LARP4: variants seen among roughly 807,000 people sequenced by gnomAD.
The protein encoded by LARP4 is La ribonucleoprotein 4.
LARP4 carries 29 observed loss-of-function variants against 92.9 expected under a neutral mutation model. That is an observed-to-expected ratio of 0.31 (90% confidence interval 0.23 to 0.43). The LOEUF (loss-of-function observed/expected upper bound fraction) is 0.43, where lower values mean the gene tolerates loss of function less well. Among genes scored for constraint, LARP4 ranks in the 20% least tolerant of loss-of-function variants. The pLI is 1.00. For missense variants in LARP4, 732 were observed against 860.0 expected, an observed-to-expected ratio of 0.85 and a Z score of 1.86; for synonymous variants, 279 against 284.1, an observed-to-expected ratio of 0.98 and a Z score of 0.18.
At chr12:50,473,334 C>T in intron 13 of LARP4, 81 bp from the exon 14 acceptor site, 1 of 1,027,024 alleles carries the variant, frequency 9.7e-7, no homozygotes, top group South Asian at 1.4e-5. Flanking sequence ...TGTTGACCAT[C>T]TTCTCTTGTG....
intron 13 of LARP4, among the ~76,000 whole-genome samples, chr12:50,472,500 A>AT (rs75116778): frequency 0.099 from 14,956 of 150,366 alleles, 1,519 homozygotes; most frequent in East Asian, 0.48. Flanking sequence ...GATTTCATTA[A>AT]TTTTTTTTTA....
At chr12:50,407,595 A>T (rs886295250) in intron 1 of LARP4, among the ~76,000 whole-genome samples, 10 of 152,198 alleles carry the variant, frequency 6.6e-5, no homozygotes, top group Non-Finnish European at 1.5e-4. Flanking sequence ...CTGTAATCCC[A>T]GAATTTTGGG....
intron 1 of LARP4, chr12:50,412,312 C>T (rs988745222): frequency 2.9e-5 from 8 of 278,228 alleles, no homozygotes; most frequent in African/African-American, 1.8e-4. Context: ...TAGTAGTAGC[C>T]CTCTCAGTAT....
chr12:50,403,460 A>G (rs1393454533), intron 1 of LARP4, among the ~76,000 whole-genome samples: 1 of 152,248 alleles, frequency 6.6e-6, no homozygotes, highest in East Asian at 1.9e-4. Context: ...TGTCAAAAAT[A>G]TTGTTAACGT....
At chr12:50,421,643 AAAATAAAT>A (rs144012967) in intron 1 of LARP4, among the ~76,000 whole-genome samples, 10,628 of 147,820 alleles carry the variant, frequency 0.072, 859 homozygotes, top group East Asian at 0.37. Flanking sequence ...ACTTCATCAC[AAAATAAAT>A]AAATAAATAA....
chr12:50,429,238 A>C, intron 3 of LARP4, 148 bp downstream of exon 3: 1 of 608,724 alleles, frequency 1.6e-6, no homozygotes, highest in Admixed American at 3.5e-5. Flanking sequence ...GTTGATTGTT[A>C]CATTGTTTTC....
In LARP4 at chr12:50,435,479, T is replaced by TG; in HGVS notation, c.399-9_399-8insG. ...TTGCTTGTTTTATAGGACTATTTTG[T>TG]TTTTTCAGAGAAAATTTGTCAAAGG... On this transcript the variant is annotated splice_polypyrimidine_tract_variant and intron_variant, in intron 4 of 15. Coordinates refer to ENST00000398473, the MANE Select transcript of LARP4 (RefSeq NM_052879.5). The TG allele has an allele frequency of 7.2e-7, 1 of 1,389,106 alleles. No individual in the cohort carries two copies. The highest frequency in any genetic ancestry group is 9.8e-7 in the Non-Finnish European group (1 of 1,018,662). The allele number at this position is 1,389,106 out of a possible 1,614,324, so 86.0% of individuals were successfully genotyped here. A position where few individuals can be genotyped will look rare whatever the true frequency, so the allele number is the denominator to read the frequency against.
At position 50,401,005 on chromosome 12, in the gene LARP4, G is replaced by A. The variant is rs1369697895; in HGVS notation, c.-6G>A. 6.2e-7 allele frequency: 1 copy of A among 1,614,050 alleles called. No homozygotes were observed. Among genetic ancestry groups the A allele is most frequent in the Admixed American group, 1.7e-5 (1 of 59,998 alleles). The stretch of plus-strand genomic sequence containing the variant: ...GCGGGAACGATTGGGCTGAGCAGAG[G>A]ACGACATGTTGCTTTTCGTGGAGGT... On this transcript the variant is annotated 5_prime_UTR_variant, in exon 1 of 16. Coordinates refer to ENST00000398473, the MANE Select transcript of LARP4 (RefSeq NM_052879.5).
At chr12:50,452,841 C>G (rs1953481312) in intron 8 of LARP4, among the ~76,000 whole-genome samples, 1 of 151,558 alleles carries the variant, frequency 6.6e-6, no homozygotes, top group Non-Finnish European at 1.5e-5. Flanking sequence ...ATTAGAGATA[C>G]TAGTACCCTT....
intron 6 of LARP4, among the ~76,000 whole-genome samples, chr12:50,439,583 T>A (rs1950910041): frequency 6.6e-6 from 1 of 152,096 alleles, no homozygotes. Flanking sequence ...TCACTTTTTT[T>A]TGGTAAAGAT....
chr12:50,446,229 A>G (rs1952021938), intron 8 of LARP4, among the ~76,000 whole-genome samples: 1 of 145,558 alleles, frequency 6.9e-6, no homozygotes, highest in African/African-American at 2.5e-5. Context: ...GATGGTCTCG[A>G]TTTCCTGACC....
At chr12:50,446,003 C>CTTTTTTTTTTTT (rs71441367) in intron 8 of LARP4, among the ~76,000 whole-genome samples, 1 of 126,948 alleles carries the variant, frequency 7.9e-6, no homozygotes, top group Non-Finnish European at 1.7e-5. Context: ...TTTCTTTTTT[C>CTTTTTTTTTTTT]TTTTTTTTTT....
intron 4 of LARP4, among the ~76,000 whole-genome samples, chr12:50,435,016 C>T (rs1175819842): frequency 6.6e-6 from 1 of 152,148 alleles, no homozygotes; most frequent in Non-Finnish European, 1.5e-5. Context: ...CCACTGCGCT[C>T]CAGACTGGGC....
Position 50,428,930 on chromosome 12 carries a change from T to C in LARP4, c.167-5T>C. On this transcript the variant is annotated splice_polypyrimidine_tract_variant and splice_region_variant and intron_variant, in intron 2 of 15. Transcript: ENST00000398473. ...ATTTACTTTCAGTGTCTGTCTTTAA[T>C]ACAGGTAATGCAGAGCTCTCAGAAG... 1 of 1,569,960 alleles carries C rather than the reference T, an allele frequency of 6.4e-7. No homozygotes were observed. Among genetic ancestry groups the C allele is most frequent in the Non-Finnish European group, 8.6e-7 (1 of 1,159,624 alleles).
intron 3 of LARP4, 132 bp downstream of exon 3, chr12:50,429,222 A>G: frequency 1.6e-6 from 1 of 635,792 alleles, no homozygotes; most frequent in East Asian, 3.0e-5. Context: ...CGTTAATGAA[A>G]TGTTAGTTGA....
intron 13 of LARP4, among the ~76,000 whole-genome samples, chr12:50,469,662 G>T (rs146036026): frequency 6.9e-6 from 1 of 144,062 alleles, no homozygotes; most frequent in Non-Finnish European, 1.5e-5. Flanking sequence ...TGTAATCCCC[G>T]CACTTTGGGA....
chr12:50,421,190 C>A (rs566355483), intron 1 of LARP4: 17 of 557,030 alleles, frequency 3.1e-5, no homozygotes, highest in Non-Finnish European at 3.4e-5. Flanking sequence ...ACCTCATGAT[C>A]TGCCCGCCTT....
At chr12:50,470,353 A>G (rs1256785286) in intron 13 of LARP4, among the ~76,000 whole-genome samples, 1 of 152,158 alleles carries the variant, frequency 6.6e-6, no homozygotes, top group Non-Finnish European at 1.5e-5. Context: ...ACATAAAATA[A>G]TGGTGTAGTT....
At chr12:50,446,245 A>T (rs1952025883) in intron 8 of LARP4, among the ~76,000 whole-genome samples, 1 of 143,896 alleles carries the variant, frequency 6.9e-6, no homozygotes, top group African/African-American at 2.6e-5. Flanking sequence ...TGACCTCATG[A>T]TCTGCCCACC....
Sources: gnomAD v4.1 joint callset for allele counts (sites outside exome capture counted in the v4.1 genomes callset) on GRCh38, gnomAD v4.1.1 for gene constraint, MANE v1.5 for transcripts, NCBI Gene and HGNC (gene_info 2026-07-23, HGNC 2026-07-21) for gene names.